The following MRPS28 variants were observed in gnomAD, a reference collection of about 807,000 sequenced individuals.
MRPS28 encodes mitochondrial ribosomal protein S28, also known as small ribosomal subunit protein bS1m.
A neutral mutation model predicts 10.8 loss-of-function variants in MRPS28; 7 were observed. That is an observed-to-expected ratio of 0.65 (90% confidence interval 0.37 to 1.22). The LOEUF (loss-of-function observed/expected upper bound fraction) is 1.22, where lower values mean the gene tolerates loss of function less well. MRPS28 is among the 50% of genes most tolerant of loss of function. The pLI, the probability that MRPS28 is intolerant of heterozygous loss-of-function variation, is 0.02. For synonymous variants in MRPS28, 121 were observed against 93.3 expected, an observed-to-expected ratio of 1.30 and a Z score of -1.71; for missense variants, 265 against 232.9, an observed-to-expected ratio of 1.14 and a Z score of -0.90.
At chr8:79,942,615 G>A (rs1171332128) in intron 2 of MRPS28, among the ~76,000 whole-genome samples, 1 of 152,114 alleles carries the variant, frequency 6.6e-6, no homozygotes, top group Non-Finnish European at 1.5e-5. Context: ...GTTGTTATGG[G>A]TCAGTGTGAA....
intron 2 of MRPS28, among the ~76,000 whole-genome samples, chr8:79,972,860 T>A (rs184172352): frequency 2.0e-5 from 3 of 152,202 alleles, no homozygotes; most frequent in African/African-American, 4.8e-5. Flanking sequence ...ACAAGGGCTA[T>A]AGATAAATGT....
chr8:79,990,642 A>C (rs1386467787), intron 2 of MRPS28, among the ~76,000 whole-genome samples: 1 of 152,154 alleles, frequency 6.6e-6, no homozygotes, highest in East Asian at 1.9e-4. Flanking sequence ...AGCAAAAAGA[A>C]AAAGAATAGA....
intron 2 of MRPS28, among the ~76,000 whole-genome samples, chr8:79,975,758 T>C (rs758095500): frequency 3.3e-5 from 5 of 152,056 alleles, no homozygotes; most frequent in African/African-American, 9.7e-5. Context: ...CTTTGGAAAT[T>C]TGAGAATGTG....
At chr8:79,947,481 T>C (rs1472791076) in intron 2 of MRPS28, among the ~76,000 whole-genome samples, 2 of 152,166 alleles carry the variant, frequency 1.3e-5, no homozygotes, top group Non-Finnish European at 2.9e-5. Context: ...ATTAAATCTA[T>C]AGACTAATAT....
chr8:79,985,215 C>G (rs576602623), intron 2 of MRPS28, among the ~76,000 whole-genome samples: 9 of 152,328 alleles, frequency 5.9e-5, no homozygotes, highest in African/African-American at 1.9e-4. Context: ...TAAAGATGTT[C>G]TTTGAAACCA....
chr8:79,945,871 T>C (rs895509003), intron 2 of MRPS28, among the ~76,000 whole-genome samples: 2 of 152,198 alleles, frequency 1.3e-5, no homozygotes, highest in Non-Finnish European at 2.9e-5. Context: ...TAATATTTAC[T>C]GAACATTTAA....
At chr8:79,982,003 TG>T (rs200036089) in intron 2 of MRPS28, among the ~76,000 whole-genome samples, 1 of 152,072 alleles carries the variant, frequency 6.6e-6, no homozygotes, top group Non-Finnish European at 1.5e-5. Context: ...CCCAGCACTT[TG>T]GGGGGGCCAA....
At chr8:79,993,945 T>C (rs1199052812) in intron 2 of MRPS28, among the ~76,000 whole-genome samples, 1 of 152,140 alleles carries the variant, frequency 6.6e-6, no homozygotes, top group Non-Finnish European at 1.5e-5. Flanking sequence ...CAAACAAAAG[T>C]ACAAATAAGA....
intron 2 of MRPS28, among the ~76,000 whole-genome samples, chr8:79,941,341 C>T (rs1806760770): frequency 6.6e-6 from 1 of 152,166 alleles, no homozygotes; most frequent in Non-Finnish European, 1.5e-5. Context: ...TCCTGCTACT[C>T]TTCCAGATCA....
At chr8:79,938,229 T>TG (rs11447460) in intron 2 of MRPS28, among the ~76,000 whole-genome samples, 81,735 of 149,502 alleles carry the variant, frequency 0.55, 24,571 homozygotes, top group East Asian at 0.77. Context: ...AAGACATAGG[T>TG]GGGGGGGGGC....
intron 2 of MRPS28, among the ~76,000 whole-genome samples, chr8:79,982,718 A>G (rs1299836608): frequency 6.6e-6 from 1 of 151,766 alleles, no homozygotes; most frequent in African/African-American, 2.4e-5. Context: ...AGGGACGGGC[A>G]CCCGCCATTG....
intron 1 of MRPS28, among the ~76,000 whole-genome samples, chr8:80,009,046 C>A (rs1318667837): frequency 6.6e-6 from 1 of 152,178 alleles, no homozygotes; most frequent in Non-Finnish European, 1.5e-5. Context: ...CAGTGATAGA[C>A]TGGATTAAGA....
intron 1 of MRPS28, among the ~76,000 whole-genome samples, chr8:80,029,391 A>G (rs1010565183): frequency 6.6e-6 from 1 of 152,230 alleles, no homozygotes; most frequent in Non-Finnish European, 1.5e-5. Flanking sequence ...TTAATTATTA[A>G]AAACTTAGGC....
intron 2 of MRPS28, among the ~76,000 whole-genome samples, chr8:79,929,737 T>A (rs2100346): frequency 6.6e-6 from 1 of 151,948 alleles, no homozygotes; most frequent in African/African-American, 2.4e-5. Flanking sequence ...TGTTTTTTTG[T>A]GTATTAATGG....
chr8:79,998,517 T>G (rs960110089), intron 2 of MRPS28, among the ~76,000 whole-genome samples: 2 of 152,198 alleles, frequency 1.3e-5, no homozygotes, highest in African/African-American at 2.4e-5. Context: ...ACTATTAAGG[T>G]CATGTCTTTC....
chr8:79,999,565 G>A (rs1808602572), intron 2 of MRPS28, among the ~76,000 whole-genome samples: 1 of 152,190 alleles, frequency 6.6e-6, no homozygotes, highest in Non-Finnish European at 1.5e-5. Flanking sequence ...ATCATTCTGT[G>A]AAGAGTATAA....
intron 1 of MRPS28, among the ~76,000 whole-genome samples, chr8:80,022,487 C>T (rs1809392683): frequency 6.6e-6 from 1 of 152,202 alleles, no homozygotes; most frequent in African/African-American, 2.4e-5. Context: ...AGAATCCAAC[C>T]ATCTCAATTT....
intron 2 of MRPS28, among the ~76,000 whole-genome samples, chr8:79,920,160 T>C (rs896269932): frequency 1.3e-5 from 2 of 152,188 alleles, no homozygotes; most frequent in Non-Finnish European, 2.9e-5. Context: ...ATGGTGTATA[T>C]GTGCCACATT....
At chr8:79,922,247 C>G (rs948509440) in intron 2 of MRPS28, among the ~76,000 whole-genome samples, 2 of 152,110 alleles carry the variant, frequency 1.3e-5, no homozygotes, top group African/African-American at 4.8e-5. Context: ...CACAGCATGA[C>G]AAACCCCACA....
Sources: gnomAD v4.1 joint callset for allele counts (sites outside exome capture counted in the v4.1 genomes callset) on GRCh38, gnomAD v4.1.1 for gene constraint, MANE v1.5 for transcripts, NCBI Gene and HGNC (gene_info 2026-07-23, HGNC 2026-07-21) for gene names.